Variants in LRPPRC observed in about 807,000 individuals in gnomAD.
LRPPRC encodes the protein leucine rich pentatricopeptide repeat containing, also known as leucine-rich PPR motif-containing protein, mitochondrial.
Under a neutral mutation model 180.3 loss-of-function variants are expected in LRPPRC, and 120 were observed. The ratio of observed to expected loss-of-function variants is 0.67; its 90% CI spans 0.57 to 0.77. LRPPRC has a LOEUF of 0.77. LRPPRC is among the 30% of genes least tolerant of loss of function. The pLI, the probability that LRPPRC is intolerant of heterozygous loss-of-function variation, is 0.00. For missense variants in LRPPRC, 2,012 were observed against 1,657.2 expected, an observed-to-expected ratio of 1.21 and a Z score of -3.72; for synonymous variants, 723 against 600.0, an observed-to-expected ratio of 1.21 and a Z score of -3.00.
intron 1 of LRPPRC, among the ~76,000 whole-genome samples, chr2:43,986,515 A>G (rs1222564549): frequency 1.3e-5 from 2 of 152,170 alleles, no homozygotes; most frequent in Non-Finnish European, 2.9e-5. Flanking sequence ...TAGAGCTATC[A>G]AGAGTTTAAA....
rs78846015 is a variant in LRPPRC, at chr2:43,925,390, T to A, written c.2806-233A>T. Among the ~76,000 whole-genome samples the A allele has an allele frequency of 0.087, 13,194 of 152,182 alleles. 644 individuals are homozygous for A. The highest frequency in any genetic ancestry group is 0.13 in the South Asian group (621 of 4,810). On this transcript the variant is annotated intron_variant, in intron 26 of 37. Transcript: ENST00000260665. ...CATTATACTTATTTTACCACAATTTTAAAAAAATTTGGAGTCAAGAACACA... is the reference window on the plus strand; with the variant it reads ...CATTATACTTATTTTACCACAATTTAAAAAAAATTTGGAGTCAAGAACACA...
chr2:43,922,595 T>C (rs927524677), intron 27 of LRPPRC, among the ~76,000 whole-genome samples: 1 of 152,072 alleles, frequency 6.6e-6, no homozygotes, highest in Non-Finnish European at 1.5e-5. Flanking sequence ...CTGTCTCTAC[T>C]AAAAATACAA....
intron 26 of LRPPRC, 88 bp from the exon 27 acceptor site, chr2:43,925,245 T>G: frequency 1.2e-6 from 1 of 814,396 alleles, no homozygotes; most frequent in Non-Finnish European, 2.2e-6. Context: ...TCTTTCAAAT[T>G]AGCTTTACCA....
chr2:43,973,133 C>T (rs955734925), intron 11 of LRPPRC, among the ~76,000 whole-genome samples: 1 of 152,172 alleles, frequency 6.6e-6, no homozygotes, highest in Non-Finnish European at 1.5e-5. Context: ...GTCATGAGTA[C>T]TCATTTCACA....
At chr2:43,993,142 G>T (rs1421691138) in intron 1 of LRPPRC, among the ~76,000 whole-genome samples, 1 of 152,158 alleles carries the variant, frequency 6.6e-6, no homozygotes, top group Admixed American at 6.6e-5. Context: ...AGAGTAATAT[G>T]CCAGGTCAAG....
At chr2:43,892,710 T>A (rs537226439) in intron 36 of LRPPRC, 1 of 151,994 alleles carries the variant, frequency 6.6e-6, no homozygotes, top group Non-Finnish European at 1.5e-5. Context: ...CGGCAACACA[T>A]ATACTGAAAT....
chr2:43,973,675 C>T lies in LRPPRC; in HGVS notation c.1301G>A (p.Gly434Asp), dbSNP rs146515622. The T allele has an allele frequency of 1.3e-3, 2,037 of 1,614,024 alleles. 2 individuals are homozygous for T. Among genetic ancestry groups the T allele is most frequent in the Non-Finnish European group, 1.6e-3 (1,940 of 1,179,876 alleles). The change falls in exon 11 of 38, where the codon GGT (glycine) becomes GAT (aspartate). Residue 434 changes from glycine (G) to aspartate (D), a missense_variant. Physicochemically the swap from Gly to Asp is moderately conservative, Grantham distance 94. Transcript: ENST00000260665. ...GAAATAGTGAGGTCTGATAGGAAAA[C>T]CTTCCTCCTTCACAGCCTTCATTAA... The part of the protein sequence containing the change: ...KALMKAVKEE[G>D]FPIRPHYFWP...
At chr2:43,889,107 C>T (rs1402563752) in intron 37 of LRPPRC, among the ~76,000 whole-genome samples, 1 of 151,998 alleles carries the variant, frequency 6.6e-6, no homozygotes, top group Admixed American at 6.5e-5. Flanking sequence ...ACGAGGTCAG[C>T]AGTTCAAGAC....
chr2:43,967,982 T>A (rs558928071), intron 11 of LRPPRC, among the ~76,000 whole-genome samples: 1 of 152,208 alleles, frequency 6.6e-6, no homozygotes, highest in African/African-American at 2.4e-5. Flanking sequence ...AGTAATAGAT[T>A]TGTGTTAATC....
At chr2:43,907,535 ATTGGC>A (rs1671104338) in intron 30 of LRPPRC, among the ~76,000 whole-genome samples, 1 of 151,714 alleles carries the variant, frequency 6.6e-6, no homozygotes, top group Non-Finnish European at 1.5e-5. Context: ...CAATAACCCT[ATTGGC>A]TGTCCAATAG....
chr2:43,901,259 T>C, intron 32 of LRPPRC, 61 bp downstream of exon 32: 1 of 1,349,134 alleles, frequency 7.4e-7, no homozygotes, highest in Non-Finnish European at 1.1e-6. Context: ...TAAAAGGTGG[T>C]ATCTGAGGCA....
chr2:43,925,051 T>G lies in LRPPRC; in HGVS notation c.2896+16A>C, dbSNP rs117077213. ...ACAGAATAAATGAAAGCGTGAAGAA[T>G]AGTTAAATCACTTACTATACAGTTT... On this transcript the variant is annotated intron_variant, in intron 27 of 37. Transcript: ENST00000260665. The G allele has an allele frequency of 6.0e-6, 8 of 1,336,008 alleles. No homozygotes were observed. Among genetic ancestry groups the G allele is most frequent in the Admixed American group, 1.7e-5 (1 of 59,682 alleles). 82.8% of individuals were successfully genotyped at this position (1,336,008 alleles called of 1,614,324 possible). A position where few individuals can be genotyped will look rare whatever the true frequency, so the allele number is the denominator to read the frequency against.
chr2:43,918,618 A>G (rs964186420), intron 27 of LRPPRC, among the ~76,000 whole-genome samples: 22 of 151,934 alleles, frequency 1.4e-4, no homozygotes, highest in Admixed American at 3.9e-4. Flanking sequence ...TTAAAAAGCA[A>G]TAACAAGAAG....
chr2:43,979,157 C>T (rs1572573064), intron 3 of LRPPRC, among the ~76,000 whole-genome samples: 2 of 144,700 alleles, frequency 1.4e-5, no homozygotes, highest in South Asian at 2.1e-4. Flanking sequence ...TGACATAAAA[C>T]TGAAAAGGTA....
chr2:43,929,146 C>T (rs958656736), intron 25 of LRPPRC, among the ~76,000 whole-genome samples: 30 of 152,330 alleles, frequency 2.0e-4, no homozygotes, highest in African/African-American at 7.0e-4. Flanking sequence ...GCAACCAGAA[C>T]TGCAGACCTC....
chr2:43,888,638 C>A lies in LRPPRC; in HGVS notation c.4147G>T (p.Ala1383Ser). The change falls in exon 38 of 38, where the codon GCA (alanine) becomes TCA (serine). Residue 1383 changes from alanine (A) to serine (S), a missense_variant. Transcript: ENST00000260665. The stretch of plus-strand genomic sequence containing the variant: ...TCCCTCAATTTTCTTAGCTGCTGTG[C>A]ATAAAATTCAAAGCTTTCCTGTTAA... ...IEPPESFEFY[A>S]QQLRKLRENS... is the part of the protein sequence containing the mutation. 1 of 1,599,126 alleles carries A rather than the reference C, an allele frequency of 6.3e-7. No individual in the cohort carries two copies. The highest frequency in any genetic ancestry group is 1.3e-5 in the African/African-American group (1 of 74,692).
intron 1 of LRPPRC, among the ~76,000 whole-genome samples, chr2:43,994,314 A>T (rs1176659438): frequency 3.9e-5 from 6 of 152,228 alleles, no homozygotes; most frequent in Non-Finnish European, 7.3e-5. Context: ...GAAATCATAA[A>T]TTATTTCCTC....
chr2:43,898,069 A>T (rs1258605417), intron 34 of LRPPRC, among the ~76,000 whole-genome samples: 1 of 104,476 alleles, frequency 9.6e-6, no homozygotes, highest in East Asian at 5.9e-4. Flanking sequence ...TTTCCTTAAA[A>T]TTAAAAAAAA....
At position 43,925,000 on chromosome 2, in the gene LRPPRC, A is replaced by G. The variant is rs878887210; in HGVS notation, c.2896+67T>C. On this transcript the variant is annotated intron_variant, in intron 27 of 37. Coordinates refer to ENST00000260665, the MANE Select transcript of LRPPRC (RefSeq NM_133259.4). ...ATCCCTGGAGCTCCCTCAAAACCAA[A>G]TACTCCTTTCCTGCCACTGCCTTCA... The G allele has an allele frequency of 1.6e-5, 15 of 952,860 alleles. No homozygotes were observed. In the South Asian group the frequency reaches 1.8e-4, roughly 11 times the overall value. The allele number at this position is 952,860 out of a possible 1,614,324, so 59.0% of individuals were successfully genotyped here.
Sources: allele counts gnomAD v4.1 joint callset (sites outside exome capture counted in the v4.1 genomes callset), GRCh38; gene constraint gnomAD v4.1.1; transcripts MANE v1.5; gene names NCBI Gene and HGNC (gene_info 2026-07-23, HGNC 2026-07-21).